ELOA: variants seen among roughly 807,000 people sequenced by gnomAD.
ELOA encodes elongin-A.
Under a neutral mutation model 85.2 loss-of-function variants are expected in ELOA, and 15 were observed. The ratio of observed to expected loss-of-function variants is 0.18; its 90% CI spans 0.12 to 0.27. ELOA has a LOEUF of 0.27. ELOA is among the 10% of genes least tolerant of loss of function. The pLI is 1.00. For synonymous variants in ELOA, 348 were observed against 357.2 expected, an observed-to-expected ratio of 0.97 and a Z score of 0.29; for missense variants, 769 against 952.7, an observed-to-expected ratio of 0.81 and a Z score of 2.54.
At chr1:23,746,634 A>T (rs1003778154) in intron 1 of ELOA, among the ~76,000 whole-genome samples, 1 of 146,890 alleles carries the variant, frequency 6.8e-6, no homozygotes, top group East Asian at 2.0e-4. Flanking sequence ...AAAAAAAAGG[A>T]TCCTCGTCCT....
chr1:23,748,957 T>G, intron 1 of ELOA, 64 bp from the exon 2 acceptor site: 1 of 1,375,034 alleles, frequency 7.3e-7, no homozygotes, highest in Non-Finnish European at 1.0e-6. Context: ...ACTAAGCACT[T>G]AATAATCAGA....
At position 23,759,740 on chromosome 1, in the gene ELOA, C is replaced by A; in HGVS notation, c.*167C>A. The A allele has an allele frequency of 1.5e-6, 1 of 658,112 alleles. No homozygotes were observed. The highest frequency in any genetic ancestry group is 2.6e-6 in the Non-Finnish European group (1 of 377,852). The allele number at this position is 658,112 out of a possible 1,614,324, so 40.8% of individuals were successfully genotyped here. On this transcript the variant is annotated 3_prime_UTR_variant, in exon 11 of 11. Coordinates refer to ENST00000613537, the MANE Select transcript of ELOA (RefSeq NM_003198.3). ...GCCCCTGGGAACCTGCGTGCCACAG[C>A]CCCGCCTCCCTGCCTGGAGCACACT...
In ELOA at chr1:23,750,170, C is replaced by CTTTTT. The variant is rs747972246; in HGVS notation, c.239+241_239+245dup. On this transcript the variant is annotated intron_variant, in intron 3 of 10. Transcript: ENST00000613537. Reference sequence around the variant, plus strand: ...ACGTTATGAACATTTTGGTACGTTTCTTTTTTTTTTTTTTTTTTTTTTTGA... The same window carrying CTTTTT: ...ACGTTATGAACATTTTGGTACGTTTCTTTTTTTTTTTTTTTTTTTTTTTTTTTTGA... Among the ~76,000 whole-genome samples the CTTTTT allele has an allele frequency of 5.4e-3, 490 of 90,462 alleles. 9 individuals carry two copies. Among genetic ancestry groups the CTTTTT allele is most frequent in the Middle Eastern group, 0.037 (3 of 82 alleles). 59.3% of individuals were successfully genotyped at this position (90,462 alleles called of 152,430 possible).
intron 3 of ELOA, among the ~76,000 whole-genome samples, chr1:23,750,314 C>T (rs1015064174): frequency 1.8e-4 from 27 of 151,288 alleles, no homozygotes; most frequent in Non-Finnish European, 3.4e-4. Context: ...TAGCTGGGAC[C>T]ACAGGCACCC....
Position 23,754,140 on chromosome 1 carries a change from T to G in ELOA, c.1578T>G (p.Thr526=), listed in dbSNP as rs1433060769. The change falls in exon 6 of 11, where the codon ACT becomes ACG. Residue 526 remains threonine, a synonymous_variant. Coordinates refer to ENST00000613537, the MANE Select transcript of ELOA (RefSeq NM_003198.3). ...SPQEEEEAGF[T]GRRMNSKMQV... is the part of the protein sequence containing the mutation. ...AGGAAGAAGAAGAAGCTGGATTTAC[T>G]GGGCGCAGAATGAATTCCAAGATGC... 6.2e-7 allele frequency: 1 copy of G among 1,614,236 alleles called. No homozygotes were observed. The highest frequency in any genetic ancestry group is 1.7e-5 in the Admixed American group (1 of 60,030).
In ELOA at chr1:23,759,378, A is replaced by G. The variant is rs1158543669; in HGVS notation, c.2258-134A>G. 1.0e-4 allele frequency: 82 copies of G among 800,118 alleles called. No individual in the cohort carries two copies. In the East Asian group the frequency reaches 2.1e-3, roughly 21 times the overall value. 49.6% of individuals were successfully genotyped at this position (800,118 alleles called of 1,614,324 possible). The stretch of plus-strand genomic sequence containing the variant: ...GCTTTTATTGCATTGTGAACAGAGG[A>G]GATAGTTACTACTTGTATCTCTGCC... On this transcript the variant is annotated intron_variant, in intron 10 of 10. Transcript: ENST00000613537.
rs1222697143 is a variant in ELOA, at chr1:23,749,732, T to C, written c.133-110T>C. ...GTGTTAAGATTTGCAGGGTATGTTG[T>C]AGGAAGGAAGTATTGCTTGTTGAGT... On this transcript the variant is annotated intron_variant, in intron 2 of 10. Coordinates refer to ENST00000613537, the MANE Select transcript of ELOA (RefSeq NM_003198.3). 9 of 872,130 alleles carry C rather than the reference T, an allele frequency of 1.0e-5. No homozygotes were observed. The Admixed American group carries it at 2.1e-4, about 20-fold the overall frequency. The allele number at this position is 872,130 out of a possible 1,614,324, so 54.0% of individuals were successfully genotyped here.
rs545146902 is a variant in ELOA at position 23,759,744 on chromosome 1, G to A, written c.*171G>A. On this transcript the variant is annotated 3_prime_UTR_variant, in exon 11 of 11. Coordinates refer to ENST00000613537, the MANE Select transcript of ELOA (RefSeq NM_003198.3). ...CTGGGAACCTGCGTGCCACAGCCCC[G>A]CCTCCCTGCCTGGAGCACACTTTAG... The A allele has an allele frequency of 4.2e-5, 27 of 640,916 alleles. No homozygotes were observed. In the East Asian group the frequency reaches 4.4e-4, roughly 11 times the overall value. The allele number at this position is 640,916 out of a possible 1,614,324, so 39.7% of individuals were successfully genotyped here. A position where few individuals can be genotyped will look rare whatever the true frequency, so the allele number is the denominator to read the frequency against.
chr1:23,752,223 T>G (rs1644774580), intron 4 of ELOA, among the ~76,000 whole-genome samples, 184 bp from the exon 5 acceptor site: 1 of 152,216 alleles, frequency 6.6e-6, no homozygotes, highest in African/African-American at 2.4e-5. Flanking sequence ...TCTGCATTAT[T>G]CTCTTGTGAT....
At chr1:23,756,442 T>C (rs1240059905) in intron 9 of ELOA, 57 bp downstream of exon 9, 2 of 1,470,560 alleles carry the variant, frequency 1.4e-6, no homozygotes, top group Admixed American at 2.1e-5. Context: ...GAGGTAGCCA[T>C]AGCGGCAGGA....
chr1:23,756,037 G>A lies in ELOA; in HGVS notation c.1972+14G>A. ...ATAAGCCCAAAGGTAACAGAGACGG[G>A]AGAGCTGGGGGAGAACTGGCAGGAT... On this transcript the variant is annotated intron_variant, in intron 8 of 10. Transcript: ENST00000613537. 1.2e-6 allele frequency: 2 copies of A among 1,610,162 alleles called. No individual in the cohort carries two copies. The highest frequency in any genetic ancestry group is 2.7e-5 in the African/African-American group (2 of 74,842).
At chr1:23,745,334 A>G (rs1476212691) in intron 1 of ELOA, among the ~76,000 whole-genome samples, 1 of 152,164 alleles carries the variant, frequency 6.6e-6, no homozygotes, top group Non-Finnish European at 1.5e-5. Flanking sequence ...GCCATATAAT[A>G]ACTACCCACT....
rs1282858527 is a variant in ELOA, at chr1:23,749,930, A to G, written c.221A>G (p.Lys74Arg). Reference sequence around the variant, plus strand: ...AGGGACCTAGTGGCCCAGTGGAAGAAGCTGGTTCCTGTGGAACGGTAAGAA... The same window carrying G: ...AGGGACCTAGTGGCCCAGTGGAAGAGGCTGGTTCCTGTGGAACGGTAAGAA... ...FARDLVAQWK[K>R]LVPVERNAEP... Residue 74 changes from lysine (K) to arginine (R), a missense_variant, in exon 3 of 11, where the codon AAG (lysine) becomes AGG (arginine). Transcript: ENST00000613537. The G allele has an allele frequency of 6.2e-7, 1 of 1,613,670 alleles. No individual in the cohort carries two copies. The highest frequency in any genetic ancestry group is 1.3e-5 in the African/African-American group (1 of 74,912).
chr1:23,748,750 C>T (rs772666439), intron 1 of ELOA, among the ~76,000 whole-genome samples: 23 of 152,142 alleles, frequency 1.5e-4, no homozygotes, highest in Non-Finnish European at 2.6e-4. Flanking sequence ...TTCTCTACAT[C>T]TTATTTCCCC....
intron 10 of ELOA, among the ~76,000 whole-genome samples, chr1:23,757,802 C>T (rs926990703): frequency 6.7e-6 from 1 of 149,820 alleles, no homozygotes; most frequent in Non-Finnish European, 1.5e-5. Context: ...CCGGCCGACC[C>T]TGTCTCTGGA....
chr1:23,755,703 C>A, intron 7 of ELOA, 140 bp from the exon 8 acceptor site: 1 of 673,862 alleles, frequency 1.5e-6, no homozygotes, highest in Non-Finnish European at 2.4e-6. Flanking sequence ...TCGCTTGAAC[C>A]CAGGAGGCAA....
Position 23,749,092 on chromosome 1 carries a change from A to C in ELOA, c.132+15A>C, listed in dbSNP as rs1178763672. On this transcript the variant is annotated intron_variant, in intron 2 of 10. Transcript: ENST00000613537. ...ACATTCTTGCGGTAAGAACTGTGTGACTTTAAATATTATATAATGATATCC... is the reference window on the plus strand; with the variant it reads ...ACATTCTTGCGGTAAGAACTGTGTGCCTTTAAATATTATATAATGATATCC... 2 of 1,599,398 alleles carry C rather than the reference A, an allele frequency of 1.3e-6. No homozygotes were observed. Among genetic ancestry groups the C allele is most frequent in the Non-Finnish European group, 1.7e-6 (2 of 1,167,158 alleles).
In ELOA at chr1:23,754,380, G is replaced by A; in HGVS notation, c.1711G>A (p.Gly571Arg). Residue 571 changes from glycine (G) to arginine (R), a missense_variant, in exon 7 of 11, where the codon GGA becomes AGA. This residue lies in a region of ELOA where 193 missense variants were observed against 278.9 expected (regional missense o/e 0.69). Coordinates refer to ENST00000613537, the MANE Select transcript of ELOA (RefSeq NM_003198.3). Reference sequence around the variant, plus strand: ...CTCTGCAGCAATCTTTGAAGTGGGAGGAGTCCCATACTCTGTTCTTGAACC... The same window carrying A: ...CTCTGCAGCAATCTTTGAAGTGGGAAGAGTCCCATACTCTGTTCTTGAACC... The part of the protein sequence containing the change: ...NNIDSIFEVG[G>R]VPYSVLEPVL... 2 of 1,614,190 alleles carry A rather than the reference G, an allele frequency of 1.2e-6. No homozygotes were observed. The highest frequency in any genetic ancestry group is 1.7e-6 in the Non-Finnish European group (2 of 1,180,036).
intron 5 of ELOA, among the ~76,000 whole-genome samples, chr1:23,752,866 C>T (rs1167437193): frequency 6.6e-6 from 1 of 152,104 alleles, no homozygotes; most frequent in Non-Finnish European, 1.5e-5. Flanking sequence ...TTGCTTGAAC[C>T]TGGGAGGTGG....
Sources: allele counts gnomAD v4.1 joint callset (sites outside exome capture counted in the v4.1 genomes callset), GRCh38; gene constraint gnomAD v4.1.1; regional missense constraint gnomAD v4.1.1; transcripts MANE v1.5; gene names NCBI Gene and HGNC (gene_info 2026-07-23, HGNC 2026-07-21).